The following ZNF805 variants were observed in gnomAD, a reference collection of about 807,000 sequenced individuals.
ZNF805 encodes the protein CTC-444N24.8.
A neutral mutation model predicts 13.6 loss-of-function variants in ZNF805; 7 were observed. That is an observed-to-expected ratio of 0.51 (90% confidence interval 0.29 to 0.97). ZNF805 has a LOEUF of 0.97. Among genes scored for constraint, ZNF805 ranks in the 50% least tolerant of loss-of-function variants. The pLI is 0.08. For missense variants in ZNF805, 604 were observed against 771.0 expected (o/e 0.78, Z 2.57); for synonymous variants, 293 against 279.8 (o/e 1.05, Z -0.47).
Position 57,254,449 on chromosome 19 carries a change from T to C in ZNF805, c.1630T>C (p.Cys544Arg), listed in dbSNP as rs771863802. 1.9e-6 allele frequency: 3 copies of C among 1,614,230 alleles called. No homozygotes were observed. The highest frequency in any genetic ancestry group is 2.5e-6 in the Non-Finnish European group (3 of 1,180,042). The change falls in exon 4 of 4, where the codon TGT becomes CGT. Residue 544 changes from cysteine (C) to arginine (R), a missense_variant. Around this residue, in one of 3 missense-constraint regions of ZNF805, gnomAD observed 228 missense variants for 352.8 expected, o/e 0.65. Transcript: ENST00000414468. ...TGEKPYECSE[C>R]GKAFSRSSSL... is the part of the protein sequence containing the mutation. ...AGAGAAGCCGTATGAGTGCAGTGAA[T>C]GTGGAAAGGCCTTCAGTCGCAGCTC...
At position 57,255,786 on chromosome 19, in the gene ZNF805, C is replaced by G. The variant is rs1285679413; in HGVS notation, c.*1083C>G. Reference sequence around the variant, plus strand: ...TAGAAATGTCATTTGCAATTTGGGACAGTTTTATTTCTTGCTTCCCATCTG... The same window carrying G: ...TAGAAATGTCATTTGCAATTTGGGAGAGTTTTATTTCTTGCTTCCCATCTG... On this transcript the variant is annotated 3_prime_UTR_variant, in exon 4 of 4. Transcript: ENST00000414468. Among the ~76,000 whole-genome samples the G allele has an allele frequency of 6.6e-6, 1 of 152,042 alleles. No homozygotes were observed. The highest frequency in any genetic ancestry group is 1.5e-5 in the Non-Finnish European group (1 of 67,968).
chr19:57,253,612 G>A lies in ZNF805; in HGVS notation c.793G>A (p.Gly265Arg). ...GEKPYKCMEC[G>R]KAFNRKSHLT... ...GAAGCCCTATAAGTGCATGGAGTGTGGGAAGGCTTTTAATCGGAAGTCACA... is the reference window on the plus strand; with the variant it reads ...GAAGCCCTATAAGTGCATGGAGTGTAGGAAGGCTTTTAATCGGAAGTCACA... The change falls in exon 4 of 4, where the codon GGG becomes AGG. Residue 265 changes from glycine (G) to arginine (R), a missense_variant. Transcript: ENST00000414468. This position sits in a 1 kb window ranked among gnomAD's most constrained non-coding sequence, Gnocchi z 4.4. The A allele has an allele frequency of 6.2e-7, 1 of 1,614,096 alleles. No homozygotes were observed. Among genetic ancestry groups the A allele is most frequent in the South Asian group, 1.1e-5 (1 of 91,084 alleles).
intron 2 of ZNF805, among the ~76,000 whole-genome samples, chr19:57,248,117 C>T (rs1231300112): frequency 6.6e-6 from 1 of 151,652 alleles, no homozygotes. Context: ...GCTGAGTGAG[C>T]GGAGATCGCG....
chr19:57,245,053 C>T (rs1224338371), intron 2 of ZNF805, among the ~76,000 whole-genome samples: 3 of 152,240 alleles, frequency 2.0e-5, no homozygotes, highest in African/African-American at 7.2e-5. Context: ...GTGGGATGTT[C>T]ACTAAGAAGG....
chr19:57,258,007 A>ATTTTT lies in ZNF805; in HGVS notation c.*3322_*3326dup, dbSNP rs56311072. On this transcript the variant is annotated 3_prime_UTR_variant, in exon 4 of 4. Transcript: ENST00000414468. ...ACTGGTATGAGCAACCACGCACAGC[A>ATTTTT]TTTTTTTTTTTTTTTTTTTTTTGAG... Among the ~76,000 whole-genome samples, 2 of 95,698 alleles carry ATTTTT rather than the reference A, an allele frequency of 2.1e-5. No homozygotes were observed. The highest frequency in any genetic ancestry group is 4.5e-5 in the African/African-American group (1 of 22,350). The allele number at this position is 95,698 out of a possible 152,430, so 62.8% of individuals were successfully genotyped here.
intron 2 of ZNF805, among the ~76,000 whole-genome samples, chr19:57,245,604 C>T: frequency 6.7e-6 from 1 of 148,446 alleles, no homozygotes; most frequent in African/African-American, 2.5e-5. Flanking sequence ...ACGGTGCAAC[C>T]CTGTCTCTAC....
chr19:57,254,870 C>A lies in ZNF805; in HGVS notation c.*167C>A. On this transcript the variant is annotated 3_prime_UTR_variant, in exon 4 of 4. Transcript: ENST00000414468. ...CCATCTTTCTCATTAGTTTACAGTG[C>A]AATGTTATCTCAGGAATTTTTATAA... The A allele has an allele frequency of 3.0e-6, 2 of 670,644 alleles. No individual in the cohort carries two copies. The highest frequency in any genetic ancestry group is 5.0e-6 in the Non-Finnish European group (2 of 401,884). 41.5% of individuals were successfully genotyped at this position (670,644 alleles called of 1,614,324 possible).
intron 2 of ZNF805, among the ~76,000 whole-genome samples, chr19:57,245,554 C>T (rs559624457): frequency 0.019 from 2,792 of 150,664 alleles, 70 homozygotes; most frequent in African/African-American, 0.06. Context: ...CCGAGATGGG[C>T]GGATCACAAG....
chr19:57,245,648 G>T (rs545174439), intron 2 of ZNF805, among the ~76,000 whole-genome samples: 11 of 149,862 alleles, frequency 7.3e-5, no homozygotes, highest in East Asian at 2.0e-4. Context: ...GCGTGGTGGC[G>T]GGTGCCTGTA....
At position 57,259,569 on chromosome 19, in the gene ZNF805, C is replaced by T. The variant is rs1196565628; in HGVS notation, c.*4866C>T. Reference sequence around the variant, plus strand: ...TTGCCCAGGCTGGAGTGCAGTGGCGCGATCTCTGCTCACTGCAAGCTCTGC... The same window carrying T: ...TTGCCCAGGCTGGAGTGCAGTGGCGTGATCTCTGCTCACTGCAAGCTCTGC... On this transcript the variant is annotated 3_prime_UTR_variant, in exon 4 of 4. Transcript: ENST00000414468. Among the ~76,000 whole-genome samples, 8 of 152,074 alleles carry T rather than the reference C, an allele frequency of 5.3e-5. No individual in the cohort carries two copies. The highest frequency in any genetic ancestry group is 8.8e-5 in the Non-Finnish European group (6 of 68,004).
At position 57,262,276 on chromosome 19, in the gene ZNF805, T is replaced by C. The variant is rs1445769877; in HGVS notation, c.*7573T>C. On this transcript the variant is annotated 3_prime_UTR_variant, in exon 4 of 4. Coordinates refer to ENST00000414468, the MANE Select transcript of ZNF805 (RefSeq NM_001023563.4). ...GTTTCTGTAACAAACATTAAGCAAA[T>C]AAAATTTTCTATAACAGAAATAAGC... is the stretch of plus-strand genomic sequence containing the variant. 1 of 164,428 alleles carries C rather than the reference T, an allele frequency of 6.1e-6. No individual in the cohort carries two copies. Among genetic ancestry groups the C allele is most frequent in the African/African-American group, 2.5e-5 (1 of 40,596 alleles). The allele number at this position is 164,428 out of a possible 1,614,324, so 10.2% of individuals were successfully genotyped here. A position where few individuals can be genotyped will look rare whatever the true frequency, so the allele number is the denominator to read the frequency against.
Position 57,259,867 on chromosome 19 carries a change from A to C in ZNF805, c.*5164A>C, listed in dbSNP as rs1242821983. Reference sequence around the variant, plus strand: ...CTTAGTTTATAATACTAAAGGGCTCAGAAAACAGAAAAAACTAAATTCCAG... The same window carrying C: ...CTTAGTTTATAATACTAAAGGGCTCCGAAAACAGAAAAAACTAAATTCCAG... On this transcript the variant is annotated 3_prime_UTR_variant, in exon 4 of 4. Transcript: ENST00000414468. Among the ~76,000 whole-genome samples the C allele has an allele frequency of 6.6e-6, 1 of 152,248 alleles. No individual in the cohort carries two copies. The highest frequency in any genetic ancestry group is 1.5e-5 in the Non-Finnish European group (1 of 68,044).
intron 2 of ZNF805, 117 bp downstream of exon 2, chr19:57,244,166 A>G: frequency 1.5e-6 from 2 of 1,315,756 alleles, no homozygotes; most frequent in Non-Finnish European, 1.0e-6. Context: ...CCTTCCCACA[A>G]ATTCAGTCAT....
chr19:57,251,316 G>C (rs776187666), intron 3 of ZNF805, among the ~76,000 whole-genome samples: 71 of 152,012 alleles, frequency 4.7e-4, no homozygotes, highest in Non-Finnish European at 8.1e-4. Flanking sequence ...AATTTTTGCC[G>C]ATTAAATGGA....
intron 3 of ZNF805, among the ~76,000 whole-genome samples, chr19:57,249,569 AGTGATGATAC>A (rs2087639374): frequency 6.6e-6 from 1 of 152,206 alleles, no homozygotes; most frequent in African/African-American, 2.4e-5. Flanking sequence ...AACATTGATG[AGTGATGATAC>A]GTTACATTTC....
At chr19:57,248,526 C>G in intron 2 of ZNF805, 79 bp from the exon 3 acceptor site, 1 of 1,301,170 alleles carries the variant, frequency 7.7e-7, no homozygotes. Flanking sequence ...GGTCCCCATC[C>G]TGAAGTCCCA....
chr19:57,260,159 G>GAC lies in ZNF805; in HGVS notation c.*5467_*5468dup, dbSNP rs145149217. 5.9e-5 allele frequency among the ~76,000 whole-genome samples: 9 copies of GAC among 152,076 alleles called. No individual in the cohort carries two copies. The highest frequency in any genetic ancestry group is 1.0e-4 in the Non-Finnish European group (7 of 67,966). On this transcript the variant is annotated 3_prime_UTR_variant, in exon 4 of 4. Transcript: ENST00000414468. ...AGATCACTCTTACACTTTTTTATTAGACACACACACACCCTTCCCCAACCA... is the reference window on the plus strand; with the variant it reads ...AGATCACTCTTACACTTTTTTATTAGACACACACACACACCCTTCCCCAACCA...
At chr19:57,242,207 G>C (rs1384580870) in intron 1 of ZNF805, among the ~76,000 whole-genome samples, 2 of 152,196 alleles carry the variant, frequency 1.3e-5, no homozygotes, top group Non-Finnish European at 2.9e-5. Context: ...CATATTTAGC[G>C]TGTGGACCAC....
intron 2 of ZNF805, among the ~76,000 whole-genome samples, chr19:57,245,778 CA>C (rs772154420): frequency 0.021 from 2,575 of 123,678 alleles, 57 homozygotes; most frequent in African/African-American, 0.07. Flanking sequence ...GACTCCATCT[CA>C]AAAAAAAAAA....
Sources: allele counts gnomAD v4.1 joint callset (sites outside exome capture counted in the v4.1 genomes callset), GRCh38; gene constraint gnomAD v4.1.1; regional missense constraint gnomAD v4.1.1; non-coding constraint Gnocchi (gnomAD v3.1); transcripts MANE v1.5; gene names NCBI Gene and HGNC (gene_info 2026-07-23, HGNC 2026-07-21).